Variants in KCTD1 observed in about 807,000 individuals in gnomAD.
KCTD1 encodes potassium channel tetramerization domain containing 1.
A neutral mutation model predicts 66.0 loss-of-function variants in KCTD1; 24 were observed. That is an observed-to-expected ratio of 0.36 (90% CI 0.26 to 0.51). KCTD1 has a LOEUF of 0.51. Among genes scored for constraint, KCTD1 ranks in the 20% least tolerant of loss-of-function variants. The pLI is 0.95. For synonymous variants in KCTD1, 511 were observed against 517.2 expected (o/e 0.99, Z 0.16); for missense variants, 943 against 1,205.2 (o/e 0.78, Z 3.22).
At position 26,625,149 on chromosome 18, in the gene KCTD1, A is replaced by T. The variant is rs565439213; in HGVS notation, c.-16+3998T>A. Among the ~76,000 whole-genome samples the T allele has an allele frequency of 1.4e-4, 21 of 152,330 alleles. No individual in the cohort carries two copies. The South Asian group carries it at 3.3e-3, about 24-fold the overall frequency. On this transcript the variant is annotated intron_variant, in intron 1 of 4. Coordinates refer to the KCTD1 transcript ENST00000317932. ...CTTTTGATTTTGCAGGTTCATAGGC[A>T]AAAGGGACTTGCCTTGTCTCAGATG...
At position 26,548,279 on chromosome 18, in the gene KCTD1, C is replaced by T. The variant is rs1458077228; in HGVS notation, c.258G>A (p.Glu86=). The part of the protein sequence containing the change: ...EEEEDGGGGL[E]EDEEEEEEEE... ...CCTCTTCCTCCTCCTCCTCGTCCTCCTCCAGCCCCCCACCTCCGTCCTCCT... is the reference window on the plus strand; with the variant it reads ...CCTCTTCCTCCTCCTCCTCGTCCTCTTCCAGCCCCCCACCTCCGTCCTCCT... Residue 86 remains glutamate (E), a synonymous_variant, in exon 1 of 5, where the codon GAG becomes GAA. Coordinates refer to ENST00000580059, the MANE Select transcript of KCTD1 (RefSeq NM_001142730.3). 2 of 1,513,368 alleles carry T rather than the reference C, an allele frequency of 1.3e-6. No individual in the cohort carries two copies. Among genetic ancestry groups the T allele is most frequent in the Admixed American group, 2.0e-5 (1 of 49,596 alleles). The allele number at this position is 1,513,368 out of a possible 1,614,324, so 93.7% of individuals were successfully genotyped here. A position where few individuals can be genotyped will look rare whatever the true frequency, so the allele number is the denominator to read the frequency against.
At chr18:26,608,575 G>A (rs1598964800) in intron 1 of KCTD1, among the ~76,000 whole-genome samples, 1 of 152,168 alleles carries the variant, frequency 6.6e-6, no homozygotes, top group African/African-American at 2.4e-5. Context: ...TATGGGGCAG[G>A]GTCGGTGGGC....
intron 1 of KCTD1, among the ~76,000 whole-genome samples, chr18:26,511,497 T>G (rs1983327837): frequency 6.6e-6 from 1 of 152,168 alleles, no homozygotes; most frequent in Non-Finnish European, 1.5e-5. Context: ...CTGCACACGC[T>G]GTTGTGGGGG....
chr18:26,651,799 A>AAAAAAGAAGAAG lies in KCTD1; in HGVS notation c.9+5560_9+5561insCTTCTTCTTTTT, dbSNP rs764181233. 7.0e-4 allele frequency among the ~76,000 whole-genome samples: 82 copies of AAAAAAGAAGAAG among 117,146 alleles called. 1 individual carries two copies. Among genetic ancestry groups the AAAAAAGAAGAAG allele is most frequent in the South Asian group, 3.6e-3 (14 of 3,870 alleles). 76.9% of individuals were successfully genotyped at this position (117,146 alleles called of 152,430 possible). The stretch of plus-strand genomic sequence containing the variant: ...ACTCGGTCTCAAAAAAAAAAAAAAA[A>AAAAAAGAAGAAG]AAGAAGAAGAAGAAGAAGAAGAAGG... On this transcript the variant is annotated intron_variant, in intron 1 of 4. Transcript: ENST00000580191.
chr18:26,476,497 T>C lies in KCTD1; in HGVS notation c.2133+18A>G, dbSNP rs1214514097. 1 of 1,595,952 alleles carries C rather than the reference T, an allele frequency of 6.3e-7. No homozygotes were observed. The highest frequency in any genetic ancestry group is 8.5e-7 in the Non-Finnish European group (1 of 1,175,054). On this transcript the variant is annotated intron_variant, in intron 3 of 4. Coordinates refer to ENST00000580059, the MANE Select transcript of KCTD1 (RefSeq NM_001142730.3). This position sits in a 1 kb window ranked among gnomAD's most constrained non-coding sequence, Gnocchi z 4.9. ...ATCACATATTTATGCTATTGGTGAT[T>C]TAACATGGATCCCTCACCTTGAAAT...
chr18:26,639,405 T>C (rs1987789684), intron 1 of KCTD1, among the ~76,000 whole-genome samples: 1 of 151,996 alleles, frequency 6.6e-6, no homozygotes, highest in Admixed American at 6.6e-5. Flanking sequence ...TTGTAGGCAG[T>C]GGGAGGTTAT....
chr18:26,484,348 G>A (rs1981806323), intron 2 of KCTD1, among the ~76,000 whole-genome samples: 1 of 152,178 alleles, frequency 6.6e-6, no homozygotes, highest in African/African-American at 2.4e-5. Flanking sequence ...CCTGTTCCCT[G>A]AGGTGGCATC....
At chr18:26,631,473 A>AAAT (rs199532679), upstream of KCTD1, among the ~76,000 whole-genome samples, 19,727 of 152,226 alleles carry the variant, frequency 0.13, 1,408 homozygotes, top group Non-Finnish European at 0.15. Context: ...TAAACATAGA[A>AAAT]AAGGTACAGT....
chr18:26,468,182 T>C lies in KCTD1; in HGVS notation c.2134-8257A>G, dbSNP rs905523391. 7.9e-5 allele frequency among the ~76,000 whole-genome samples: 12 copies of C among 152,014 alleles called. No individual in the cohort carries two copies. The East Asian group carries it at 9.7e-4, about 12-fold the overall frequency. On this transcript the variant is annotated intron_variant, in intron 3 of 4. Transcript: ENST00000580059. The surrounding 1 kb of genome is among the most constrained non-coding windows in gnomAD (Gnocchi z 4.8). ...AACAACAATGAGCAAATCAGTAAAA[T>C]TGGAGGGAGGGGAAAATTAAGGGAA...
In KCTD1 at chr18:26,600,024, C is replaced by T. The variant is rs572320692; in HGVS notation, c.-16+29123G>A. 33 of 1,611,436 alleles carry T rather than the reference C, an allele frequency of 2.0e-5. 1 individual carries two copies. The highest frequency in any genetic ancestry group is 1.3e-4 in the South Asian group (12 of 90,972). Reference sequence around the variant, plus strand: ...CCCTCTCAGCCAACGATATGGAGGACGACAGCATGGATCTCATTGACTCAG... The same window carrying T: ...CCCTCTCAGCCAACGATATGGAGGATGACAGCATGGATCTCATTGACTCAG... On this transcript the variant is annotated intron_variant, in intron 1 of 4. Coordinates refer to the KCTD1 transcript ENST00000317932.
chr18:26,596,824 A>G (rs1219428395), intron 1 of KCTD1, among the ~76,000 whole-genome samples: 1 of 152,260 alleles, frequency 6.6e-6, no homozygotes, highest in African/African-American at 2.4e-5. Context: ...TGTTTGTCTT[A>G]AACATTCTTC....
intron 1 of KCTD1, among the ~76,000 whole-genome samples, chr18:26,613,704 C>T (rs1987187066): frequency 6.6e-6 from 1 of 152,188 alleles, no homozygotes; most frequent in Non-Finnish European, 1.5e-5. Flanking sequence ...ATATCATTTA[C>T]AAAGCAAGCA....
chr18:26,559,447 T>C (rs1985792917), intron 1 of KCTD1, among the ~76,000 whole-genome samples: 1 of 151,866 alleles, frequency 6.6e-6, no homozygotes, highest in East Asian at 1.9e-4. Flanking sequence ...ACCCTCAGAG[T>C]GTCTGATTCA....
intron 2 of KCTD1, among the ~76,000 whole-genome samples, chr18:26,496,685 G>T (rs568312026): frequency 1.1e-4 from 17 of 151,768 alleles, no homozygotes; most frequent in African/African-American, 4.1e-4. Context: ...AGGTGTAAAA[G>T]TCAATTTACT....
chr18:26,591,961 A>C (rs188429230), intron 1 of KCTD1, among the ~76,000 whole-genome samples: 32 of 152,308 alleles, frequency 2.1e-4, no homozygotes, highest in African/African-American at 7.2e-4. Flanking sequence ...TATTGAACAC[A>C]TGATACAATA....
At chr18:26,488,980 C>T (rs1982054663) in intron 2 of KCTD1, among the ~76,000 whole-genome samples, 1 of 152,138 alleles carries the variant, frequency 6.6e-6, no homozygotes, top group South Asian at 2.1e-4. Flanking sequence ...TTGGAGCTTC[C>T]AGGTGCCTAC....
chr18:26,605,452 T>A lies in KCTD1; in HGVS notation c.-16+23695A>T, dbSNP rs1231124554. 2.6e-5 allele frequency among the ~76,000 whole-genome samples: 4 copies of A among 152,190 alleles called. No homozygotes were observed. The East Asian group carries it at 7.7e-4, about 29-fold the overall frequency. Reference sequence around the variant, plus strand: ...TTCTTAACTGTGTGTTTTTTTAAAATTCCAATCTCTTCCCTTCAGAAAATT... The same window carrying A: ...TTCTTAACTGTGTGTTTTTTTAAAAATCCAATCTCTTCCCTTCAGAAAATT... On this transcript the variant is annotated intron_variant, in intron 1 of 4. Transcript: ENST00000317932.
chr18:26,616,438 T>A (rs957569776), intron 1 of KCTD1, among the ~76,000 whole-genome samples: 1 of 151,388 alleles, frequency 6.6e-6, no homozygotes, highest in Non-Finnish European at 1.5e-5. Context: ...CTAAGACACA[T>A]GTTTACAGCT....
chr18:26,565,153 TGA>T (rs1288806179), intron 1 of KCTD1, among the ~76,000 whole-genome samples: 1 of 152,178 alleles, frequency 6.6e-6, no homozygotes, highest in African/African-American at 2.4e-5. Context: ...GACTGCAGGA[TGA>T]GAGTGCTAAG....
Sources: gnomAD v4.1 joint callset for allele counts (sites outside exome capture counted in the v4.1 genomes callset) on GRCh38, gnomAD v4.1.1 for gene constraint, Gnocchi (gnomAD v3.1) non-coding constraint, MANE v1.5 for transcripts, NCBI Gene and HGNC (gene_info 2026-07-23, HGNC 2026-07-21) for gene names.